MRO: variants seen among roughly 807,000 people sequenced by gnomAD.
MRO encodes the protein protein maestro.
A neutral mutation model predicts 31.0 loss-of-function variants in MRO; 28 were observed. The observed-to-expected ratio is 0.90, with a 90% CI of 0.67 to 1.24. The LOEUF (loss-of-function observed/expected upper bound fraction) is 1.24. Ranked by LOEUF, MRO falls within the 50% of genes most tolerant of loss-of-function variation. MRO has a pLI of 0.00. For missense variants in MRO, 332 were observed against 289.2 expected (o/e 1.15, Z -1.07); for synonymous variants, 108 against 108.4 (o/e 1.00, Z 0.02).
chr18:50,820,074 G>T, upstream of MRO: 1 of 989,146 alleles, frequency 1.0e-6, no homozygotes, highest in Non-Finnish European at 1.5e-6. Context: ...TCCCCATGCG[G>T]CCGCGAGATG....
chr18:50,802,916 AGTGTGTGT>A lies in MRO; in HGVS notation c.430-1420_430-1413del, dbSNP rs71735972. ...TGAGTGTTTGTGTATGTGTGTGTGT[AGTGTGTGT>A]GTGTGTGTGTGTGTGTGTTTAACAA... On this transcript the variant is annotated intron_variant, in intron 5 of 7. Transcript: ENST00000398439. Among the ~76,000 whole-genome samples, 154 of 144,712 alleles carry A rather than the reference AGTGTGTGT, an allele frequency of 1.1e-3. 3 individuals are homozygous for A. In the East Asian group the frequency reaches 0.022, roughly 21 times the overall value. The allele number at this position is 144,712 out of a possible 152,430, so 94.9% of individuals were successfully genotyped here.
chr18:50,802,916 A>AGTGTGTGT (rs71735972), intron 5 of MRO, among the ~76,000 whole-genome samples: 2,517 of 144,692 alleles, frequency 0.017, 70 homozygotes, highest in African/African-American at 0.059. Context: ...GTGTGTGTGT[A>AGTGTGTGT]GTGTGTGTGT....
Position 50,806,794 on chromosome 18 carries a change from G to A in MRO, c.156C>T (p.Ile52=). 6.2e-7 allele frequency: 1 copy of A among 1,614,112 alleles called. No homozygotes were observed. The highest frequency in any genetic ancestry group is 8.5e-7 in the Non-Finnish European group (1 of 1,180,020). Reference sequence around the variant, plus strand: ...TGGGGTCCCGAGCTCTTTCTGCCAAGATGAAAAACACATTCTTCAGAGGCT... The same window carrying A: ...TGGGGTCCCGAGCTCTTTCTGCCAAAATGAAAAACACATTCTTCAGAGGCT... ...KREPLKNVFF[I]LAERARDPSA... Residue 52 remains isoleucine (I), a synonymous_variant, in exon 4 of 8, where the codon ATC becomes ATT. Coordinates refer to ENST00000398439, the MANE Select transcript of MRO (RefSeq NM_031939.6).
intron 3 of MRO, among the ~76,000 whole-genome samples, chr18:50,808,840 T>C (rs571690366): frequency 6.6e-6 from 1 of 151,608 alleles, no homozygotes; most frequent in Non-Finnish European, 1.5e-5. Context: ...ATCCTATCCA[T>C]GTTAAAAGAA....
At chr18:50,823,878 G>A, upstream of MRO, 1 of 197,162 alleles carries the variant, frequency 5.1e-6, no homozygotes, top group South Asian at 1.0e-4. Context: ...AGAGAACAAT[G>A]CTGAACTTCA....
Position 50,819,950 on chromosome 18 carries a change from C to T in MRO, c.-180G>A. 6.5e-7 allele frequency: 1 copy of T among 1,549,824 alleles called. No individual in the cohort carries two copies. The highest frequency in any genetic ancestry group is 1.2e-5 in the South Asian group (1 of 84,016). On this transcript the variant is annotated 5_prime_UTR_variant, in exon 1 of 8. Coordinates refer to ENST00000398439, the MANE Select transcript of MRO (RefSeq NM_031939.6). ...TTTTTCCTTCTCCTTGCTGTGATTT[C>T]CCCTCCTTCTTCCCTCATGCCAGCC... is the stretch of plus-strand genomic sequence containing the variant.
upstream of MRO, among the ~76,000 whole-genome samples, chr18:50,821,380 C>T (rs1033021586): frequency 6.6e-6 from 1 of 152,106 alleles, no homozygotes; most frequent in African/African-American, 2.4e-5. Flanking sequence ...GAGGAATGGG[C>T]GAGTTCAATT....
chr18:50,799,568 C>T lies in MRO; in HGVS notation c.694-178G>A, dbSNP rs114844010. On this transcript the variant is annotated intron_variant, in intron 7 of 7. Coordinates refer to ENST00000398439, the MANE Select transcript of MRO (RefSeq NM_031939.6). ...GCCGATATATCTCGTGCTTGATCCT[C>T]TAGGCGTTTTGCCATTTACATTGTA... 1.8e-3 allele frequency among the ~76,000 whole-genome samples: 279 copies of T among 152,284 alleles called. 1 individual carries two copies. Among genetic ancestry groups the T allele is most frequent in the African/African-American group, 6.5e-3 (271 of 41,568 alleles).
intron 4 of MRO, among the ~76,000 whole-genome samples, chr18:50,806,031 C>G (rs1017272282): frequency 6.6e-6 from 1 of 151,458 alleles, no homozygotes; most frequent in African/African-American, 2.4e-5. Context: ...GTGATCTCTG[C>G]TCAAGCCTCA....
intron 6 of MRO, among the ~76,000 whole-genome samples, chr18:50,800,818 G>A (rs192284387): frequency 1.1e-4 from 17 of 149,630 alleles, no homozygotes; most frequent in South Asian, 4.3e-4. Flanking sequence ...CCCCAGAGGC[G>A]GAAGTTGTAG....
rs901451766 is a variant in MRO at position 50,803,467 on chromosome 18, A to T, written c.429+1687T>A. On this transcript the variant is annotated intron_variant, in intron 5 of 7. Transcript: ENST00000398439. Reference sequence around the variant, plus strand: ...GGCTGCAGTGAGCTGTGTTCCTGCCACTGTACTCCAGCCTGGGCAATACAG... The same window carrying T: ...GGCTGCAGTGAGCTGTGTTCCTGCCTCTGTACTCCAGCCTGGGCAATACAG... 2.6e-5 allele frequency among the ~76,000 whole-genome samples: 4 copies of T among 151,944 alleles called. No homozygotes were observed. The South Asian group carries it at 8.3e-4, about 32-fold the overall frequency.
At chr18:50,809,173 A>AC (rs74176779) in intron 3 of MRO, 129 bp downstream of exon 3, 1 of 380,506 alleles carries the variant, frequency 2.6e-6, no homozygotes, top group South Asian at 3.9e-5. Context: ...AAAAAAAAAA[A>AC]CTGTCATCAA....
At chr18:50,803,312 G>A (rs893473758) in intron 5 of MRO, among the ~76,000 whole-genome samples, 1 of 152,020 alleles carries the variant, frequency 6.6e-6, no homozygotes, top group African/African-American at 2.4e-5. Context: ...TCAGAGACCA[G>A]CCTGGGCAAC....
In MRO at chr18:50,799,067, A is replaced by C. The variant is rs1913037481; in HGVS notation, c.*270T>G. On this transcript the variant is annotated 3_prime_UTR_variant, in exon 8 of 8. Coordinates refer to ENST00000398439, the MANE Select transcript of MRO (RefSeq NM_031939.6). ...AGAAATAAGCACTGAATCTATATAC[A>C]CTTGGAATGTTTTAAAGAAAGTGTG... The C allele has an allele frequency of 5.3e-6, 2 of 377,128 alleles. No individual in the cohort carries two copies. Among genetic ancestry groups the C allele is most frequent in the Non-Finnish European group, 9.7e-6 (2 of 206,084 alleles). 23.4% of individuals were successfully genotyped at this position (377,128 alleles called of 1,614,324 possible). A position where few individuals can be genotyped will look rare whatever the true frequency, so the allele number is the denominator to read the frequency against.
upstream of MRO, among the ~76,000 whole-genome samples, chr18:50,824,797 C>T (rs1349491910): frequency 6.7e-6 from 1 of 149,744 alleles, no homozygotes; most frequent in Non-Finnish European, 1.5e-5. Context: ...AAAAAAAGGC[C>T]GGCACAGTGG....
At chr18:50,800,540 G>A (rs1051193975) in intron 6 of MRO, among the ~76,000 whole-genome samples, 1 of 152,162 alleles carries the variant, frequency 6.6e-6, no homozygotes, top group Non-Finnish European at 1.5e-5. Flanking sequence ...CAACCTTGTT[G>A]GGATACAATT....
At chr18:50,800,742 A>G (rs750929919) in intron 6 of MRO, among the ~76,000 whole-genome samples, 1 of 151,828 alleles carries the variant, frequency 6.6e-6, no homozygotes, top group Non-Finnish European at 1.5e-5. Flanking sequence ...AAAAATTAGC[A>G]GGGCGTGGTG....
intron 3 of MRO, among the ~76,000 whole-genome samples, chr18:50,808,852 T>A (rs1044776309): frequency 6.6e-6 from 1 of 150,538 alleles, no homozygotes; most frequent in Non-Finnish European, 1.5e-5. Context: ...TTAAAAGAAC[T>A]GTCGGCCGGG....
At chr18:50,817,994 AC>A (rs1283098232) in intron 2 of MRO, among the ~76,000 whole-genome samples, 20 of 109,800 alleles carry the variant, frequency 1.8e-4, no homozygotes, top group African/African-American at 5.3e-4. Context: ...AAGAACTCCC[AC>A]CCCCCGCCCC....
Sources: gnomAD v4.1 joint callset for allele counts (sites outside exome capture counted in the v4.1 genomes callset) on GRCh38, gnomAD v4.1.1 for gene constraint, MANE v1.5 for transcripts, NCBI Gene and HGNC (gene_info 2026-07-23, HGNC 2026-07-21) for gene names.